The following DIO2 variants were observed in gnomAD, a reference collection of about 807,000 sequenced individuals.
The protein encoded by DIO2 is iodothyronine deiodinase 2.
DIO2 carries 19 observed loss-of-function variants against 21.4 expected under a neutral mutation model. That is an observed-to-expected ratio of 0.89 (90% confidence interval 0.62 to 1.30). The LOEUF (loss-of-function observed/expected upper bound fraction) is 1.30. Ranked by LOEUF, DIO2 falls within the 50% of genes most tolerant of loss-of-function variation. The probability of loss-of-function intolerance (pLI) is 0.00; values close to 1 mark genes in which losing one functional copy is unlikely to be tolerated. For synonymous variants in DIO2, 122 were observed against 132.9 expected (o/e 0.92, Z 0.57); for missense variants, 302 against 338.1 (o/e 0.89, Z 0.84).
chr14:80,212,241 T>G (rs1888237089), upstream of DIO2: 1 of 152,016 alleles, frequency 6.6e-6, no homozygotes, highest in Non-Finnish European at 1.5e-5. Flanking sequence ...AATAGAGAAG[T>G]GAAAGCCTAA....
intron 2 of DIO2, among the ~76,000 whole-genome samples, chr14:80,224,644 T>C (rs1041142496): frequency 1.3e-5 from 2 of 152,156 alleles, no homozygotes; most frequent in Non-Finnish European, 2.9e-5. Flanking sequence ...TACATTTTCA[T>C]TGGTTTTTAA....
intron 2 of DIO2, chr14:80,216,748 T>A (rs1163924855): frequency 1.3e-5 from 2 of 152,144 alleles, no homozygotes; most frequent in African/African-American, 4.8e-5. Flanking sequence ...CTTGACCCAA[T>A]GCAGTAGACC....
intron 2 of DIO2, among the ~76,000 whole-genome samples, chr14:80,225,506 T>C (rs1888557748): frequency 1.3e-5 from 2 of 152,306 alleles, no homozygotes; most frequent in Admixed American, 1.3e-4. Context: ...TACAAGTATA[T>C]ACACGCACAA....
Position 80,202,260 on chromosome 14 carries a change from A to C in DIO2, c.*429T>G, listed in dbSNP as rs1594872160. The C allele has an allele frequency of 3.9e-6, 2 of 514,250 alleles. No homozygotes were observed. Among genetic ancestry groups the C allele is most frequent in the East Asian group, 1.1e-4 (2 of 18,362 alleles). 31.9% of individuals were successfully genotyped at this position (514,250 alleles called of 1,614,324 possible). A position where few individuals can be genotyped will look rare whatever the true frequency, so the allele number is the denominator to read the frequency against. On this transcript the variant is annotated 3_prime_UTR_variant, in exon 2 of 2. Transcript: ENST00000438257. ...TTGTTGTAATATTTGGGAATTTTCC[A>C]ACTGGGCTCCATCCATGCCAAATAG...
At chr14:80,205,846 G>A in intron 1 of DIO2, 1 of 540,092 alleles carries the variant, frequency 1.9e-6, no homozygotes, top group Non-Finnish European at 2.7e-6. Flanking sequence ...TTTATTGAAT[G>A]AATGCTAGTT....
At chr14:80,216,845 A>C (rs1888373430) in intron 2 of DIO2, 1 of 152,190 alleles carries the variant, frequency 6.6e-6, no homozygotes, top group South Asian at 2.1e-4. Context: ...GGCTCGTAGG[A>C]AACCACCGGA....
chr14:80,229,449 G>A (rs1260712396), intron 2 of DIO2, among the ~76,000 whole-genome samples: 3 of 152,128 alleles, frequency 2.0e-5, no homozygotes, highest in African/African-American at 7.2e-5. Flanking sequence ...ATAAAGAAGA[G>A]CAATTATAGG....
At chr14:80,206,606 G>C (rs1211661473) in intron 1 of DIO2, among the ~76,000 whole-genome samples, 1 of 152,140 alleles carries the variant, frequency 6.6e-6, no homozygotes, top group East Asian at 1.9e-4. Flanking sequence ...TTGACACAGA[G>C]CCAAAATGAT....
chr14:80,224,287 T>C (rs1888525649), intron 2 of DIO2, among the ~76,000 whole-genome samples: 1 of 152,136 alleles, frequency 6.6e-6, no homozygotes, highest in Non-Finnish European at 1.5e-5. Context: ...TTTCGCAATT[T>C]GTATGATAGG....
intron 1 of DIO2, among the ~76,000 whole-genome samples, chr14:80,203,769 T>A (rs568571134): frequency 6.6e-6 from 1 of 152,248 alleles, no homozygotes; most frequent in Non-Finnish European, 1.5e-5. Flanking sequence ...TTTTCTTGCA[T>A]GATACTAAGT....
chr14:80,230,924 G>T (rs1888674208), intron 2 of DIO2: 1 of 152,386 alleles, frequency 6.6e-6, no homozygotes, highest in South Asian at 2.1e-4. Flanking sequence ...CCCACAATAG[G>T]CTGTCTGCAA....
At chr14:80,226,737 T>C (rs1888583644) in intron 2 of DIO2, among the ~76,000 whole-genome samples, 1 of 152,206 alleles carries the variant, frequency 6.6e-6, no homozygotes. Flanking sequence ...CATGGGCCCA[T>C]TGGGCAATGA....
chr14:80,223,052 G>A (rs992210258), intron 2 of DIO2, among the ~76,000 whole-genome samples: 1 of 151,832 alleles, frequency 6.6e-6, no homozygotes, highest in African/African-American at 2.4e-5. Flanking sequence ...TGTAGAGATG[G>A]GGTCTTGCTG....
chr14:80,202,872 G>C lies in DIO2; in HGVS notation c.639C>G (p.Asp213Glu). 6.2e-7 allele frequency: 1 copy of C among 1,613,952 alleles called. No individual in the cohort carries two copies. ...SLPPQCRVVA[D>E]RMDNNANIAY... is the part of the protein sequence containing the mutation. ...CTATGTTGGCGTTATTGTCCATGCG[G>C]TCAGCCACAACTCGGCACTGGGGCG... The change falls in exon 2 of 2, where the codon GAC becomes GAG. Residue 213 changes from aspartate (D) to glutamate (E), a missense_variant. Asp to Glu is a conservative substitution (Grantham distance 45). Transcript: ENST00000438257.
upstream of DIO2, among the ~76,000 whole-genome samples, chr14:80,214,462 T>C (rs1306733373): frequency 3.9e-5 from 6 of 152,252 alleles, no homozygotes; most frequent in African/African-American, 1.4e-4. Flanking sequence ...TTGGGGGCTT[T>C]TGTTTCTTTT....
chr14:80,222,517 G>C (rs1163217608), intron 2 of DIO2, among the ~76,000 whole-genome samples: 1 of 152,196 alleles, frequency 6.6e-6, no homozygotes, highest in East Asian at 1.9e-4. Context: ...ATTGACATTA[G>C]AGGACAGGAA....
At chr14:80,208,258 G>A (rs926713881) in intron 1 of DIO2, among the ~76,000 whole-genome samples, 2 of 152,024 alleles carry the variant, frequency 1.3e-5, no homozygotes, top group African/African-American at 4.8e-5. Flanking sequence ...AGTGTCTATA[G>A]ACTTTCCTTT....
At chr14:80,218,465 A>G (rs1477577077) in intron 2 of DIO2, among the ~76,000 whole-genome samples, 2 of 152,206 alleles carry the variant, frequency 1.3e-5, no homozygotes, top group Non-Finnish European at 2.9e-5. Flanking sequence ...CGAGAGAGGT[A>G]TGTTCCTTAC....
At position 80,203,095 on chromosome 14, in the gene DIO2, T is replaced by C. The variant is rs1052220387; in HGVS notation, c.416A>G (p.Gln139Arg). ...GSATUPPFTS[Q>R]LPAFRKLVEE... The stretch of plus-strand genomic sequence containing the variant: ...CACCAGTTTGCGGAAGGCTGGCAGC[T>C]GGCTCGTGAAAGGAGGTCAAGTGGC... The change falls in exon 2 of 2, where the codon CAG becomes CGG. Residue 139 changes from glutamine to arginine, a missense_variant. Transcript: ENST00000438257. 1 of 1,613,908 alleles carries C rather than the reference T, an allele frequency of 6.2e-7. No homozygotes were observed. Among genetic ancestry groups the C allele is most frequent in the Non-Finnish European group, 8.5e-7 (1 of 1,179,846 alleles).
Sources: gnomAD v4.1 joint callset for allele counts (sites outside exome capture counted in the v4.1 genomes callset) on GRCh38, gnomAD v4.1.1 for gene constraint, MANE v1.5 for transcripts, NCBI Gene and HGNC (gene_info 2026-07-23, HGNC 2026-07-21) for gene names.